Variants in CDH4 observed in about 807,000 individuals in gnomAD.
The protein encoded by CDH4 is cadherin-4.
In CDH4, 33 loss-of-function variants were observed where a neutral mutation model predicts 86.0. The ratio of observed to expected loss-of-function variants is 0.38; its 90% CI spans 0.29 to 0.51. The LOEUF (loss-of-function observed/expected upper bound fraction) is 0.51, where lower values mean the gene tolerates loss of function less well. CDH4 is among the 20% of genes least tolerant of loss of function. The pLI, the probability that CDH4 is intolerant of heterozygous loss-of-function variation, is 0.86. For synonymous variants in CDH4, 555 were observed against 549.4 expected (o/e 1.01, Z -0.14); for missense variants, 1,114 against 1,307.4 (o/e 0.85, Z 2.28).
intron 2 of CDH4, among the ~76,000 whole-genome samples, chr20:61,367,008 C>A (rs562509800): frequency 2.3e-4 from 35 of 152,296 alleles, no homozygotes; most frequent in Middle Eastern, 6.8e-3. Flanking sequence ...TTGCAGGCAA[C>A]GAGACAGCGG....
rs144383209 is a variant in CDH4 at position 61,803,942 on chromosome 20, C to T, written c.576+30760C>T. On this transcript the variant is annotated intron_variant, in intron 4 of 15. Coordinates refer to ENST00000614565, the MANE Select transcript of CDH4 (RefSeq NM_001794.5). The stretch of plus-strand genomic sequence containing the variant: ...CTGCTTCCAGGAGGCGGTGCCGAGA[C>T]GGCGGAGGTAATGGAAGCAGAAACG... 5.3e-5 allele frequency among the ~76,000 whole-genome samples: 8 copies of T among 152,370 alleles called. No individual in the cohort carries two copies. In the South Asian group the frequency reaches 1.0e-3, roughly 20 times the overall value.
intron 2 of CDH4, among the ~76,000 whole-genome samples, chr20:61,649,441 A>G (rs6061693): frequency 0.38 from 57,170 of 152,070 alleles, 11,701 homozygotes; most frequent in Non-Finnish European, 0.47. Flanking sequence ...TCCCTTGCAC[A>G]CTACTCCACT....
At chr20:61,383,840 T>C (rs1466237734) in intron 2 of CDH4, among the ~76,000 whole-genome samples, 2 of 90,106 alleles carry the variant, frequency 2.2e-5, no homozygotes, top group East Asian at 5.3e-4. Flanking sequence ...AAGATATATA[T>C]GCGTATATAT....
chr20:61,916,527 G>A (rs996695787), intron 9 of CDH4, among the ~76,000 whole-genome samples: 9 of 152,232 alleles, frequency 5.9e-5, no homozygotes, highest in African/African-American at 1.9e-4. Flanking sequence ...AACCATTCTC[G>A]TTATCATCAT....
intron 2 of CDH4, among the ~76,000 whole-genome samples, chr20:61,339,630 C>T (rs765818655): frequency 6.6e-6 from 1 of 152,116 alleles, no homozygotes; most frequent in Non-Finnish European, 1.5e-5. Context: ...AAATCAGGGT[C>T]ATGCAGAAAG....
chr20:61,577,252 A>C (rs1291330468), intron 2 of CDH4, among the ~76,000 whole-genome samples: 1 of 145,350 alleles, frequency 6.9e-6, no homozygotes, highest in Non-Finnish European at 1.5e-5. Context: ...GGTTGAGTGT[A>C]TGTGTATTGA....
chr20:61,683,202 C>T (rs2087536316), intron 2 of CDH4, among the ~76,000 whole-genome samples: 1 of 152,150 alleles, frequency 6.6e-6, no homozygotes, highest in African/African-American at 2.4e-5. Context: ...CAGCTGTACT[C>T]TCCACGTCTG....
At chr20:61,274,253 TG>T (rs1259686951) in intron 2 of CDH4, among the ~76,000 whole-genome samples, 1 of 129,190 alleles carries the variant, frequency 7.7e-6, no homozygotes, top group African/African-American at 3.1e-5. Flanking sequence ...ATGTACAGTT[TG>T]GGGGAGTACC....
chr20:61,611,583 C>T (rs1311252538), intron 2 of CDH4, among the ~76,000 whole-genome samples: 2 of 152,110 alleles, frequency 1.3e-5, no homozygotes. Flanking sequence ...AGCTGCACCT[C>T]TGGGCCACAT....
intron 2 of CDH4, among the ~76,000 whole-genome samples, chr20:61,636,965 G>A (rs1203783038): frequency 6.6e-6 from 1 of 152,184 alleles, no homozygotes; most frequent in African/African-American, 2.4e-5. Flanking sequence ...GCCTCTGCCA[G>A]TTCTGATCCA....
intron 2 of CDH4, among the ~76,000 whole-genome samples, chr20:61,309,998 ATTTG>A (rs2084436844): frequency 6.6e-6 from 1 of 152,078 alleles, no homozygotes; most frequent in African/African-American, 2.4e-5. Flanking sequence ...TGCAAGATGA[ATTTG>A]TTTGCAGGAC....
chr20:61,743,938 C>G (rs1032711551), intron 3 of CDH4, 149 bp downstream of exon 3: 5 of 674,406 alleles, frequency 7.4e-6, no homozygotes, highest in Admixed American at 2.4e-5. Flanking sequence ...CAACCAAGCA[C>G]CCCTGCCCTC....
chr20:61,901,724 G>A (rs1265448305), intron 8 of CDH4, among the ~76,000 whole-genome samples: 4 of 152,240 alleles, frequency 2.6e-5, no homozygotes, highest in Admixed American at 6.5e-5. Flanking sequence ...CCAGCCGGAC[G>A]CTTCTGAGTA....
intron 2 of CDH4, among the ~76,000 whole-genome samples, chr20:61,280,155 A>C (rs2123160381): frequency 6.6e-6 from 1 of 152,052 alleles, no homozygotes; most frequent in African/African-American, 2.4e-5. Context: ...GGGTGGGGTG[A>C]CCCTGGGCTG....
At chr20:61,843,011 A>C (rs1199375933) in intron 4 of CDH4, among the ~76,000 whole-genome samples, 4 of 152,242 alleles carry the variant, frequency 2.6e-5, no homozygotes, top group Non-Finnish European at 5.9e-5. Context: ...TCGCAGTGTC[A>C]TTCAGATTTC....
chr20:61,429,355 GC>G (rs1167837082), intron 2 of CDH4, among the ~76,000 whole-genome samples: 1 of 152,210 alleles, frequency 6.6e-6, no homozygotes, highest in East Asian at 1.9e-4. Context: ...GCCTACACAT[GC>G]CCTGGCCATC....
chr20:61,724,914 C>CAGCCTGGGCAACAT (rs2088091939), intron 2 of CDH4, among the ~76,000 whole-genome samples: 1 of 152,088 alleles, frequency 6.6e-6, no homozygotes, highest in Non-Finnish European at 1.5e-5. Context: ...AGTTCAAGAC[C>CAGCCTGGGCAACAT]AGCCTGGGCA....
At chr20:61,860,054 C>G (rs528520896) in intron 6 of CDH4, among the ~76,000 whole-genome samples, 1 of 152,354 alleles carries the variant, frequency 6.6e-6, no homozygotes, top group South Asian at 2.1e-4. Context: ...GCCTCATGGG[C>G]GGGGAAGGTC....
chr20:61,612,735 T>C (rs1468275737), intron 2 of CDH4, among the ~76,000 whole-genome samples: 4 of 152,158 alleles, frequency 2.6e-5, no homozygotes, highest in African/African-American at 9.7e-5. Context: ...ACCTAGCTGC[T>C]GAGTTGAAAA....
Sources: allele counts gnomAD v4.1 joint callset (sites outside exome capture counted in the v4.1 genomes callset), GRCh38; gene constraint gnomAD v4.1.1; transcripts MANE v1.5; gene names NCBI Gene and HGNC (gene_info 2026-07-23, HGNC 2026-07-21).